Variants in ABHD12 observed in about 807,000 individuals in gnomAD.
The protein encoded by ABHD12 is lysophosphatidylserine lipase ABHD12.
ABHD12 carries 43 observed loss-of-function variants against 58.3 expected under a neutral mutation model. That is an observed-to-expected ratio of 0.74 (90% CI 0.58 to 0.95). The LOEUF is 0.95. ABHD12 is among the 40% of genes least tolerant of loss of function. The pLI is 0.00. For missense variants in ABHD12, 539 were observed against 537.2 expected, an observed-to-expected ratio of 1.00 and a Z score of -0.03; for synonymous variants, 219 against 211.2, an observed-to-expected ratio of 1.04 and a Z score of -0.32.
At chr20:25,295,413 G>A (rs1443402456), downstream of ABHD12, among the ~76,000 whole-genome samples, 1 of 152,270 alleles carries the variant, frequency 6.6e-6, no homozygotes, top group Non-Finnish European at 1.5e-5. Context: ...CATAAGTGTT[G>A]CTCACAGAGA....
chr20:25,300,458 T>C lies in ABHD12; in HGVS notation c.*387A>G. 1 of 1,211,368 alleles carries C rather than the reference T, an allele frequency of 8.3e-7. No homozygotes were observed. The highest frequency in any genetic ancestry group is 1.0e-6 in the Non-Finnish European group (1 of 959,870). 75.0% of individuals were successfully genotyped at this position (1,211,368 alleles called of 1,614,324 possible). A position where few individuals can be genotyped will look rare whatever the true frequency, so the allele number is the denominator to read the frequency against. On this transcript the variant is annotated 3_prime_UTR_variant, in exon 13 of 13. Transcript: ENST00000339157. ...CAGAAAGAACCTGGACCCCACGTTC[T>C]CTGTGGGTGGTGCCAAAAAGCTCAG...
chr20:25,379,081 G>A (rs375472928), intron 1 of ABHD12, among the ~76,000 whole-genome samples: 1 of 152,194 alleles, frequency 6.6e-6, no homozygotes, highest in East Asian at 1.9e-4. Context: ...CTCAGTTCAT[G>A]TGAACCTTTC....
At position 25,300,842 on chromosome 20, in the gene ABHD12, G is replaced by A. The variant is rs747471767; in HGVS notation, c.*3C>T. On this transcript the variant is annotated 3_prime_UTR_variant, in exon 13 of 13. Coordinates refer to ENST00000339157, the MANE Select transcript of ABHD12 (RefSeq NM_001042472.3). The stretch of plus-strand genomic sequence containing the variant: ...TCTTCATGCTTCCTTCCCACGGCCA[G>A]GCTCAGTGCTGGTGCTCAGGCTCCG... The A allele has an allele frequency of 1.2e-6, 2 of 1,613,992 alleles. No individual in the cohort carries two copies. Among genetic ancestry groups the A allele is most frequent in the African/African-American group, 2.7e-5 (2 of 74,928 alleles).
Position 25,364,522 on chromosome 20 carries a change from A to T in ABHD12, c.192-25171T>A, listed in dbSNP as rs1376146098. Among the ~76,000 whole-genome samples the T allele has an allele frequency of 7.2e-5, 11 of 152,258 alleles. No individual in the cohort carries two copies. In the East Asian group the frequency reaches 1.9e-3, roughly 27 times the overall value. ...GTCAGAACTCACTCATTCCCATAAG[A>T]GTGGACCCAGCCATTCATAAGGAAT... On this transcript the variant is annotated intron_variant, in intron 1 of 12. Transcript: ENST00000339157.
intron 1 of ABHD12, among the ~76,000 whole-genome samples, chr20:25,385,714 TAGAA>T (rs1307789058): frequency 1.4e-5 from 2 of 143,460 alleles, no homozygotes; most frequent in East Asian, 3.9e-4. Context: ...AATAAATAAA[TAGAA>T]AGGCACCAGG....
intron 2 of ABHD12, among the ~76,000 whole-genome samples, chr20:25,328,315 G>A (rs927694192): frequency 6.6e-6 from 1 of 152,128 alleles, no homozygotes; most frequent in African/African-American, 2.4e-5. Context: ...GAGAGCTGCA[G>A]CCCAGGGTGC....
chr20:25,359,672 C>T (rs931420298), intron 1 of ABHD12, among the ~76,000 whole-genome samples: 1 of 151,900 alleles, frequency 6.6e-6, no homozygotes, highest in Non-Finnish European at 1.5e-5. Context: ...CAGGTTCAAG[C>T]AATTCTCATG....
rs1217106001 is a variant in ABHD12 at position 25,390,667 on chromosome 20, C to G, written c.37G>C (p.Glu13Gln). ...GACGAGCCCGCGGCGGCGCAGCGCT[C>G]ATGCTCCAAGGCGACGGGCTCGGTC... ...KRTEPVALEH[E>Q]RCAAAGSSSS... The change falls in exon 1 of 13, where the codon GAG becomes CAG. Residue 13 changes from glutamate to glutamine, a missense_variant. Glu to Gln is a conservative substitution (Grantham distance 29). Transcript: ENST00000339157. The G allele has an allele frequency of 2.8e-6, 4 of 1,436,340 alleles. No individual in the cohort carries two copies. The South Asian group carries it at 4.0e-5, about 14-fold the overall frequency. The allele number at this position is 1,436,340 out of a possible 1,614,324, so 89.0% of individuals were successfully genotyped here. A position where few individuals can be genotyped will look rare whatever the true frequency, so the allele number is the denominator to read the frequency against.
intron 1 of ABHD12, among the ~76,000 whole-genome samples, chr20:25,358,389 G>T (rs2089696755): frequency 6.6e-6 from 1 of 152,174 alleles, no homozygotes; most frequent in African/African-American, 2.4e-5. Flanking sequence ...AAATTTCCCT[G>T]AAGTCATGAT....
At chr20:25,339,009 T>C (rs1200002397) in intron 2 of ABHD12, 6 of 1,325,306 alleles carry the variant, frequency 4.5e-6, no homozygotes, top group South Asian at 3.1e-5. Context: ...AGGGACCTTT[T>C]TGGGTAATAA....
chr20:25,308,556 C>T, intron 7 of ABHD12, 62 bp from the exon 8 acceptor site: 1 of 1,554,330 alleles, frequency 6.4e-7, no homozygotes, highest in Non-Finnish European at 8.7e-7. Flanking sequence ...TGATATGGGC[C>T]TTATGCTGGA....
chr20:25,380,338 A>G (rs1228948618), intron 1 of ABHD12, among the ~76,000 whole-genome samples: 3 of 152,114 alleles, frequency 2.0e-5, no homozygotes, highest in Admixed American at 2.0e-4. Context: ...TTTGGCTAAT[A>G]TATCACATAA....
chr20:25,338,297 C>T (rs941661434), intron 2 of ABHD12, among the ~76,000 whole-genome samples: 2 of 152,280 alleles, frequency 1.3e-5, no homozygotes, highest in South Asian at 4.1e-4. Context: ...AACTCCCAAA[C>T]GCATAAGGCC....
chr20:25,350,747 G>C (rs1218324380), intron 1 of ABHD12, among the ~76,000 whole-genome samples: 3 of 152,148 alleles, frequency 2.0e-5, no homozygotes, highest in African/African-American at 7.2e-5. Context: ...GGATCCCAGA[G>C]AAACCTGTTA....
At chr20:25,322,679 C>T (rs1015435352) in intron 3 of ABHD12, among the ~76,000 whole-genome samples, 2 of 151,492 alleles carry the variant, frequency 1.3e-5, no homozygotes, top group African/African-American at 4.9e-5. Context: ...GCCACCGCGC[C>T]TGGATGGAAG....
intron 1 of ABHD12, among the ~76,000 whole-genome samples, chr20:25,362,569 A>G (rs2089764510): frequency 7.5e-6 from 1 of 133,834 alleles, no homozygotes; most frequent in African/African-American, 2.7e-5. Context: ...CTGTCTCAAA[A>G]AGAGACAGAA....
downstream of ABHD12, among the ~76,000 whole-genome samples, chr20:25,298,641 C>A (rs1013789876): frequency 2.6e-5 from 4 of 152,228 alleles, no homozygotes; most frequent in African/African-American, 4.8e-5. Flanking sequence ...ACACACACAC[C>A]TTTCTGGTGT....
At chr20:25,355,117 A>G (rs1378190087) in intron 1 of ABHD12, among the ~76,000 whole-genome samples, 1 of 152,182 alleles carries the variant, frequency 6.6e-6, no homozygotes, top group Admixed American at 6.5e-5. Context: ...CATTCCTGCT[A>G]AGCTACAGTG....
chr20:25,341,401 C>T (rs541589403), intron 1 of ABHD12, among the ~76,000 whole-genome samples: 37 of 152,338 alleles, frequency 2.4e-4, no homozygotes, highest in African/African-American at 8.4e-4. Flanking sequence ...TCATCTTAAA[C>T]GCCATACATG....
Sources: allele counts gnomAD v4.1 joint callset (sites outside exome capture counted in the v4.1 genomes callset), GRCh38; gene constraint gnomAD v4.1.1; transcripts MANE v1.5; gene names NCBI Gene and HGNC (gene_info 2026-07-23, HGNC 2026-07-21).